PCBP2: variants seen among roughly 807,000 people sequenced by gnomAD.
PCBP2 encodes poly(rC) binding protein 2.
PCBP2 carries 4 observed loss-of-function variants against 50.1 expected under a neutral mutation model. That is an observed-to-expected ratio of 0.08 (90% CI 0.04 to 0.18). The LOEUF is 0.18. Ranked by LOEUF, PCBP2 falls within the 10% of genes least tolerant of loss-of-function variation. The pLI, the probability that PCBP2 is intolerant of heterozygous loss-of-function variation, is 1.00. For missense variants in PCBP2, 161 were observed against 474.3 expected (o/e 0.34, Z 6.14); for synonymous variants, 179 against 168.0 (o/e 1.07, Z -0.51).
At chr12:53,454,995 A>G (rs1392644660) in intron 2 of PCBP2, 126 bp downstream of exon 2, 3 of 808,186 alleles carry the variant, frequency 3.7e-6, no homozygotes, top group Non-Finnish European at 4.3e-6. Context: ...CATTTCCCTA[A>G]TGGAGTAGAA....
At chr12:53,464,922 G>T in intron 9 of PCBP2, 70 bp downstream of exon 9, 1 of 1,487,484 alleles carries the variant, frequency 6.7e-7, no homozygotes, top group East Asian at 2.7e-5. Context: ...CCAACACACG[G>T]GGGGCCAGTG....
At chr12:53,463,044 A>T (rs1941563129) in intron 8 of PCBP2, among the ~76,000 whole-genome samples, 1 of 151,994 alleles carries the variant, frequency 6.6e-6, no homozygotes, top group African/African-American at 2.4e-5. Context: ...CCCAAACTCC[A>T]GTGTGTTGTC....
intron 14 of PCBP2, among the ~76,000 whole-genome samples, chr12:53,477,123 C>A (rs1023605923): frequency 6.6e-6 from 1 of 152,146 alleles, no homozygotes; most frequent in Non-Finnish European, 1.5e-5. Flanking sequence ...CGTCACCTCC[C>A]CCACCCCAGC....
At chr12:53,468,945 C>T in intron 13 of PCBP2, 113 bp downstream of exon 13, 3 of 766,158 alleles carry the variant, frequency 3.9e-6, no homozygotes, top group Non-Finnish European at 6.4e-6. Context: ...TTAAACAGCC[C>T]AGGCTGTAGT....
chr12:53,464,654 A>G, intron 8 of PCBP2, 106 bp from the exon 9 acceptor site: 1 of 1,459,740 alleles, frequency 6.9e-7, no homozygotes, highest in East Asian at 2.6e-5. Context: ...CTCCTTTTTA[A>G]AGGAAAAAGG....
intron 13 of PCBP2, among the ~76,000 whole-genome samples, chr12:53,471,050 C>T (rs1410190823): frequency 6.6e-6 from 1 of 151,908 alleles, no homozygotes. Flanking sequence ...TGAGTTGGCT[C>T]AGAACTGGCT....
chr12:53,475,131 G>A (rs1443029552), intron 14 of PCBP2: 1 of 456,388 alleles, frequency 2.2e-6, no homozygotes, highest in Non-Finnish European at 4.4e-6. Flanking sequence ...GGGTACCGGG[G>A]CTTCAGCTAC....
intron 14 of PCBP2, among the ~76,000 whole-genome samples, chr12:53,477,622 C>T (rs543932592): frequency 2.9e-5 from 4 of 140,208 alleles, no homozygotes; most frequent in African/African-American, 1.1e-4. Flanking sequence ...GCCGAGACCG[C>T]GCCACTGTAC....
At chr12:53,458,338 T>C (rs1941198547) in intron 5 of PCBP2, among the ~76,000 whole-genome samples, 1 of 151,056 alleles carries the variant, frequency 6.6e-6, no homozygotes, top group African/African-American at 2.4e-5. Context: ...TGGAGTCTCA[T>C]TCTGTTCCCT....
At chr12:53,477,770 T>G (rs1942729426) in intron 14 of PCBP2, among the ~76,000 whole-genome samples, 1 of 152,006 alleles carries the variant, frequency 6.6e-6, no homozygotes, top group African/African-American at 2.4e-5. Flanking sequence ...TCGAAGGACT[T>G]TGCAGTTTTT....
At chr12:53,467,143 G>T (rs1941881130) in intron 10 of PCBP2, 78 bp from the exon 11 acceptor site, 4 of 1,100,750 alleles carry the variant, frequency 3.6e-6, no homozygotes, top group Non-Finnish European at 5.4e-6. Flanking sequence ...ATCAGGACCT[G>T]CATTTTCAAA....
At chr12:53,457,339 A>C (rs2137027887) in intron 5 of PCBP2, among the ~76,000 whole-genome samples, 1 of 152,276 alleles carries the variant, frequency 6.6e-6, no homozygotes, top group East Asian at 1.9e-4. Context: ...GGCGTGAGCC[A>C]CCATGCCCAG....
At chr12:53,470,401 A>AAAAG (rs1555207954) in intron 13 of PCBP2, among the ~76,000 whole-genome samples, 4 of 104,920 alleles carry the variant, frequency 3.8e-5, no homozygotes, top group East Asian at 2.5e-4. Context: ...AAAAAAAAAA[A>AAAAG]AGTGTAGTGG....
intron 12 of PCBP2, chr12:53,468,063 G>A: frequency 1.8e-6 from 1 of 548,420 alleles, no homozygotes; most frequent in Non-Finnish European, 3.2e-6. Context: ...CTGAGATCAG[G>A]ACTAAGCTTG....
chr12:53,460,358 T>A (rs1239050019), intron 6 of PCBP2: 3 of 391,460 alleles, frequency 7.7e-6, no homozygotes, highest in African/African-American at 6.4e-5. Context: ...TTGCTCAGGC[T>A]GGTCTCCAAC....
chr12:53,459,771 T>C (rs965581347), intron 6 of PCBP2: 22 of 339,596 alleles, frequency 6.5e-5, no homozygotes, highest in African/African-American at 3.7e-4. Context: ...TTTTCTTTTT[T>C]TTGACACGGT....
intron 6 of PCBP2, chr12:53,460,037 T>C (rs553434347): frequency 3.7e-6 from 1 of 267,048 alleles, no homozygotes; most frequent in East Asian, 1.0e-4. Flanking sequence ...TACTACAGGC[T>C]TGAGCCAGCA....
At chr12:53,476,766 A>G (rs1246073645) in intron 14 of PCBP2, among the ~76,000 whole-genome samples, 1 of 152,162 alleles carries the variant, frequency 6.6e-6, no homozygotes, top group Non-Finnish European at 1.5e-5. Flanking sequence ...AAGTATGCAT[A>G]AAGGATTAGA....
chr12:53,455,959 C>A lies in PCBP2; in HGVS notation c.201C>A (p.Ala67=), dbSNP rs760464769. Residue 67 remains alanine (A), a synonymous_variant, in exon 5 of 15, where the codon GCC becomes GCA. Coordinates refer to ENST00000546463, the MANE Select transcript of PCBP2 (RefSeq NM_031989.5). The stretch of plus-strand genomic sequence containing the variant: ...TCACTTTGGCTGGACCCACTAATGC[C>A]ATCTTCAAAGCCTTTGCTATGATCA... ...RIITLAGPTN[A]IFKAFAMIID... The A allele has an allele frequency of 6.2e-7, 1 of 1,613,446 alleles. No individual in the cohort carries two copies. The highest frequency in any genetic ancestry group is 1.1e-5 in the South Asian group (1 of 91,068).
Sources: allele counts gnomAD v4.1 joint callset (sites outside exome capture counted in the v4.1 genomes callset), GRCh38; gene constraint gnomAD v4.1.1; transcripts MANE v1.5; gene names NCBI Gene and HGNC (gene_info 2026-07-23, HGNC 2026-07-21).